Variants in TBC1D19 observed in about 807,000 individuals in gnomAD.
The protein encoded by TBC1D19 is TBC1 domain family, member 19.
A neutral mutation model predicts 89.0 loss-of-function variants in TBC1D19; 60 were observed. That is an observed-to-expected ratio of 0.67 (90% CI 0.55 to 0.84). The LOEUF (loss-of-function observed/expected upper bound fraction) is 0.84, where lower values mean the gene tolerates loss of function less well. Ranked by LOEUF, TBC1D19 falls within the 40% of genes least tolerant of loss-of-function variation. The pLI is 0.00. For missense variants in TBC1D19, 500 were observed against 610.8 expected (o/e 0.82, Z 1.91); for synonymous variants, 189 against 199.7 (o/e 0.95, Z 0.45).
chr4:26,687,443 C>A (rs1713906692), intron 12 of TBC1D19, among the ~76,000 whole-genome samples: 1 of 152,120 alleles, frequency 6.6e-6, no homozygotes, highest in African/African-American at 2.4e-5. Context: ...CTGAAGCACA[C>A]AAGCAGCAGT....
chr4:26,655,007 T>C lies in TBC1D19; in HGVS notation c.481-4590T>C, dbSNP rs1744690313. 2.0e-5 allele frequency among the ~76,000 whole-genome samples: 3 copies of C among 152,336 alleles called. 1 individual carries two copies. In the South Asian group the frequency reaches 6.2e-4, roughly 32 times the overall value. Reference sequence around the variant, plus strand: ...TTTTTTCCCCATGTTTGTGGTTTTATCTACCTTTGGTCTTTGATGATGGTG... The same window carrying C: ...TTTTTTCCCCATGTTTGTGGTTTTACCTACCTTTGGTCTTTGATGATGGTG... On this transcript the variant is annotated intron_variant, in intron 7 of 20. Transcript: ENST00000264866.
intron 7 of TBC1D19, among the ~76,000 whole-genome samples, chr4:26,651,091 G>A (rs6826536): frequency 1.3e-5 from 2 of 152,010 alleles, no homozygotes; most frequent in African/African-American, 2.4e-5. Flanking sequence ...GTTTTGGTAC[G>A]AGTACCATGC....
At chr4:26,621,340 C>G (rs1338678531) in intron 4 of TBC1D19, among the ~76,000 whole-genome samples, 2 of 152,322 alleles carry the variant, frequency 1.3e-5, no homozygotes, top group Admixed American at 6.5e-5. Context: ...GTCCGTAAGC[C>G]TTCCTCACAG....
At chr4:26,733,399 G>A (rs1026091323) in intron 15 of TBC1D19, among the ~76,000 whole-genome samples, 15 of 152,210 alleles carry the variant, frequency 9.9e-5, no homozygotes, top group South Asian at 4.1e-4. Context: ...GAGTTCTAGC[G>A]TTATCTCTGA....
At chr4:26,614,925 G>A (rs1741590789) in intron 3 of TBC1D19, among the ~76,000 whole-genome samples, 1 of 152,096 alleles carries the variant, frequency 6.6e-6, no homozygotes, top group Non-Finnish European at 1.5e-5. Flanking sequence ...TGATGCACCT[G>A]CATTGGCCCC....
the TBC1D19 span, among the ~76,000 whole-genome samples, chr4:26,794,588 A>G: frequency 6.6e-6 from 1 of 152,226 alleles, no homozygotes; most frequent in Non-Finnish European, 1.5e-5. Flanking sequence ...AAGAACTGGG[A>G]AATTTTTTAA....
chr4:26,735,588 T>A, intron 16 of TBC1D19, 101 bp downstream of exon 16: 1 of 1,086,782 alleles, frequency 9.2e-7, no homozygotes, highest in Non-Finnish European at 1.3e-6. Context: ...TTTACTATAG[T>A]AAAACAATAA....
intron 7 of TBC1D19, among the ~76,000 whole-genome samples, chr4:26,653,337 A>G (rs1345576713): frequency 6.6e-6 from 1 of 152,146 alleles, no homozygotes; most frequent in Admixed American, 6.6e-5. Context: ...AGAAGAATGT[A>G]TATTCTGTTG....
At position 26,613,251 on chromosome 4, in the gene TBC1D19, T is replaced by C; in HGVS notation, c.172+10T>C. The stretch of plus-strand genomic sequence containing the variant: ...TTCTTTAAAATATCAGGTTTGTAAG[T>C]TTTTCCTAATAACTTAAGGCAAAAT... On this transcript the variant is annotated intron_variant, in intron 2 of 20. Transcript: ENST00000264866. 1 of 1,504,996 alleles carries C rather than the reference T, an allele frequency of 6.6e-7. No individual in the cohort carries two copies. The allele number at this position is 1,504,996 out of a possible 1,614,324, so 93.2% of individuals were successfully genotyped here.
chr4:26,638,658 T>C (rs1560435736), intron 5 of TBC1D19, 113 bp from the exon 6 acceptor site: 1 of 757,234 alleles, frequency 1.3e-6, no homozygotes, highest in Non-Finnish European at 2.2e-6. Context: ...AATGAAATTA[T>C]ACTGTTATGG....
At chr4:26,817,981 A>AAATATATATATATATATATATAT in the TBC1D19 span, among the ~76,000 whole-genome samples, 51 of 126,016 alleles carry the variant, frequency 4.0e-4, no homozygotes, top group African/African-American at 1.8e-3. Context: ...AAAAAAAAAA[A>AAATATATATATATATATATATAT]ATATATATAT....
intron 7 of TBC1D19, among the ~76,000 whole-genome samples, chr4:26,656,119 A>C (rs1328286948): frequency 6.6e-6 from 1 of 152,112 alleles, no homozygotes; most frequent in Non-Finnish European, 1.5e-5. Flanking sequence ...GCATGTTATT[A>C]GAAAAATAAA....
intron 2 of TBC1D19, 125 bp from the exon 3 acceptor site, chr4:26,614,283 C>A (rs1741544181): frequency 3.2e-6 from 2 of 622,128 alleles, no homozygotes; most frequent in Non-Finnish European, 5.4e-6. Context: ...TAGGGATTGG[C>A]AGTTGACAAA....
chr4:26,671,349 CTATT>C (rs1712287141), intron 9 of TBC1D19, among the ~76,000 whole-genome samples: 2 of 151,676 alleles, frequency 1.3e-5, no homozygotes, highest in African/African-American at 4.8e-5. Flanking sequence ...TGAAGAGCCT[CTATT>C]TAAGTCTTTT....
chr4:26,763,412 C>T, the TBC1D19 span, among the ~76,000 whole-genome samples: 252 of 152,312 alleles, frequency 1.7e-3, no homozygotes, highest in African/African-American at 5.9e-3. Context: ...CATGATAAAA[C>T]TTTGGTCTCC....
chr4:26,854,598 G>A, the TBC1D19 span, among the ~76,000 whole-genome samples: 1 of 152,338 alleles, frequency 6.6e-6, no homozygotes, highest in East Asian at 1.9e-4. Context: ...CTTGGAGCGT[G>A]ACTTGTTGAG....
At chr4:26,856,722 C>T in the TBC1D19 span, among the ~76,000 whole-genome samples, 1 of 152,160 alleles carries the variant, frequency 6.6e-6, no homozygotes, top group African/African-American at 2.4e-5. Flanking sequence ...AATTCTAGTC[C>T]TCTTTTTGTG....
the TBC1D19 span, among the ~76,000 whole-genome samples, chr4:26,773,503 C>A: frequency 2.0e-4 from 31 of 152,292 alleles, no homozygotes; most frequent in Non-Finnish European, 3.8e-4. Flanking sequence ...GCTTTTGTTG[C>A]AATTGCTTTT....
chr4:26,844,801 C>T, the TBC1D19 span, among the ~76,000 whole-genome samples: 1 of 151,778 alleles, frequency 6.6e-6, no homozygotes, highest in Admixed American at 6.6e-5. Context: ...TCCTTAATAA[C>T]CTATGAGAAA....
Sources: gnomAD v4.1 joint callset for allele counts (sites outside exome capture counted in the v4.1 genomes callset) on GRCh38, gnomAD v4.1.1 for gene constraint, MANE v1.5 for transcripts, NCBI Gene and HGNC (gene_info 2026-07-23, HGNC 2026-07-21) for gene names.